The following GOLGA3 variants were observed in gnomAD, a reference collection of about 807,000 sequenced individuals.
GOLGA3 encodes the protein golgin subfamily A member 3.
Under a neutral mutation model 169.4 loss-of-function variants are expected in GOLGA3, and 75 were observed. The ratio of observed to expected loss-of-function variants is 0.44; its 90% CI spans 0.37 to 0.54. The LOEUF (loss-of-function observed/expected upper bound fraction) is 0.54, where lower values mean the gene tolerates loss of function less well. Among genes scored for constraint, GOLGA3 ranks in the 20% least tolerant of loss-of-function variants. The pLI is 0.00. For missense variants in GOLGA3, 1,899 were observed against 1,930.0 expected, an observed-to-expected ratio of 0.98 and a Z score of 0.30; for synonymous variants, 824 against 822.4, an observed-to-expected ratio of 1.00 and a Z score of -0.03.
At chr12:132,794,647 C>CT (rs1948738241) in intron 11 of GOLGA3, among the ~76,000 whole-genome samples, 1 of 152,238 alleles carries the variant, frequency 6.6e-6, no homozygotes, top group African/African-American at 2.4e-5. Flanking sequence ...AAAAGTCTCT[C>CT]TCGCAGTCTT....
chr12:132,809,424 ACCCCCACCCCCGCC>A (rs972816658), intron 4 of GOLGA3, among the ~76,000 whole-genome samples: 1 of 132,154 alleles, frequency 7.6e-6, no homozygotes, highest in Non-Finnish European at 1.6e-5. Context: ...GGAGACACCA[ACCCCCACCCCCGCC>A]CCCCCGCCCC....
chr12:132,778,519 C>G (rs369019662), intron 18 of GOLGA3, among the ~76,000 whole-genome samples: 16 of 142,924 alleles, frequency 1.1e-4, no homozygotes, highest in African/African-American at 3.7e-4. Flanking sequence ...TGCAGTGAGC[C>G]GAGATCGCGC....
rs1346280435 is a variant in GOLGA3, at chr12:132,777,033, C to G, written c.3780G>C (p.Glu1260Asp). 5 of 1,611,190 alleles carry G rather than the reference C, an allele frequency of 3.1e-6. No individual in the cohort carries two copies. The highest frequency in any genetic ancestry group is 4.2e-6 in the Non-Finnish European group (5 of 1,179,060). The change falls in exon 20 of 24, where the codon GAG becomes GAC. Residue 1260 changes from glutamate to aspartate, a missense_variant. Physicochemically the swap from Glu to Asp is conservative, Grantham distance 45 (BLOSUM62 2). Transcript: ENST00000450791. This position sits in a 1 kb window ranked among gnomAD's most constrained non-coding sequence, Gnocchi z 4.7. ...EIAQFQAELAEARAQLQLLQK... is the reference protein window; with the variant it reads ...EIAQFQAELADARAQLQLLQK... ...GCAGGAGCTGGAGCTGTGCCCGGGC[C>G]TCGGCCAGCTCTGCTTGGAACTGTG...
At chr12:132,828,591 G>C (rs1335451811) in intron 1 of GOLGA3, 2 of 152,320 alleles carry the variant, frequency 1.3e-5, no homozygotes, top group East Asian at 3.9e-4. Flanking sequence ...GGCATTTACA[G>C]AGCCAGCTCC....
At chr12:132,792,603 C>T (rs546508809) in intron 11 of GOLGA3, among the ~76,000 whole-genome samples, 50 of 150,754 alleles carry the variant, frequency 3.3e-4, no homozygotes, top group Non-Finnish European at 4.9e-4. Flanking sequence ...CACACAGACC[C>T]ACCCCACGGG....
intron 13 of GOLGA3, among the ~76,000 whole-genome samples, chr12:132,788,065 C>T (rs1050950718): frequency 2.6e-5 from 4 of 151,972 alleles, no homozygotes; most frequent in Non-Finnish European, 5.9e-5. Flanking sequence ...GGGGTCCGAA[C>T]GTGCTCTGCC....
chr12:132,797,683 C>T (rs539248215), intron 9 of GOLGA3, among the ~76,000 whole-genome samples: 1 of 152,082 alleles, frequency 6.6e-6, no homozygotes, highest in African/African-American at 2.4e-5. Flanking sequence ...CTGCACTCCA[C>T]CCTGGGCGAC....
Position 132,777,122 on chromosome 12 carries a change from G to T in GOLGA3, c.3723-32C>A, listed in dbSNP as rs752495321. 2 of 1,556,242 alleles carry T rather than the reference G, an allele frequency of 1.3e-6. No individual in the cohort carries two copies. Among genetic ancestry groups the T allele is most frequent in the East Asian group, 2.2e-5 (1 of 44,526 alleles). The stretch of plus-strand genomic sequence containing the variant: ...TAAAAAAACAAGAAAGAAGGGAATC[G>T]CCACGCTCCTCCAGTGTGCTGTGCC... On this transcript the variant is annotated intron_variant, in intron 19 of 23. Transcript: ENST00000450791. The surrounding 1 kb of genome is among the most constrained non-coding windows in gnomAD (Gnocchi z 4.7).
In GOLGA3 at chr12:132,777,082, T is replaced by C; in HGVS notation, c.3731A>G (p.Glu1244Gly). Residue 1244 changes from glutamate to glycine, a missense_variant, in exon 20 of 24, where the codon GAG becomes GGG. Coordinates refer to ENST00000450791, the MANE Select transcript of GOLGA3 (RefSeq NM_001389683.1). The surrounding 1 kb of genome is among the most constrained non-coding windows in gnomAD (Gnocchi z 4.7). ...QAEADDLQIREGKHSQEIAQF... is the reference protein window; with the variant it reads ...QAEADDLQIRGGKHSQEIAQF... ...TGCTATCTCCTGGGAATGTTTCCCC[T>C]CCCGAATCCTAGCGTAAAAAAACAA... The C allele has an allele frequency of 6.3e-7, 1 of 1,588,358 alleles. No homozygotes were observed. The highest frequency in any genetic ancestry group is 8.6e-7 in the Non-Finnish European group (1 of 1,169,394).
At position 132,788,197 on chromosome 12, in the gene GOLGA3, G is replaced by C. The variant is rs1002992932; in HGVS notation, c.2811+830C>G. 8.1e-4 allele frequency among the ~76,000 whole-genome samples: 123 copies of C among 152,192 alleles called. 2 individuals are homozygous for C. The highest frequency in any genetic ancestry group is 7.6e-4 in the Non-Finnish European group (52 of 67,998). On this transcript the variant is annotated intron_variant, in intron 13 of 23. Coordinates refer to ENST00000450791, the MANE Select transcript of GOLGA3 (RefSeq NM_001389683.1). ...CTCACTTTCCAACAATGATGGTGCC[G>C]GCCACACCGCCTACTCACAGGCCTC...
chr12:132,805,341 C>T (rs1212569673), intron 6 of GOLGA3, among the ~76,000 whole-genome samples: 9 of 49,238 alleles, frequency 1.8e-4, no homozygotes, highest in African/African-American at 7.4e-4. Context: ...CAGGGGACCC[C>T]GAGACCCCCA....
At position 132,780,860 on chromosome 12, in the gene GOLGA3, C is replaced by A; in HGVS notation, c.3520G>T (p.Val1174Phe). The A allele has an allele frequency of 6.2e-7, 1 of 1,612,534 alleles. No individual in the cohort carries two copies. The highest frequency in any genetic ancestry group is 2.2e-5 in the East Asian group (1 of 44,888). The change falls in exon 18 of 24, where the codon GTC becomes TTC. Residue 1174 changes from valine (V) to phenylalanine (F), a missense_variant. Val to Phe is a conservative substitution (Grantham distance 50). Coordinates refer to ENST00000450791, the MANE Select transcript of GOLGA3 (RefSeq NM_001389683.1). ...EEEDRQMKHLVQALQASLEKE... is the reference protein window; with the variant it reads ...EEEDRQMKHLFQALQASLEKE... ...TCTAGTGAGGCCTGCAGGGCCTGGA[C>A]AAGATGCTTCATCTGGCGATCCTCC... is the stretch of plus-strand genomic sequence containing the variant.
chr12:132,823,508 G>A (rs1206068577), intron 1 of GOLGA3, among the ~76,000 whole-genome samples: 3 of 152,218 alleles, frequency 2.0e-5, no homozygotes, highest in East Asian at 3.8e-4. Flanking sequence ...ACATGGGGCC[G>A]GGTGCGGTGG....
chr12:132,816,161 G>A (rs1479512193), intron 3 of GOLGA3, among the ~76,000 whole-genome samples: 1 of 152,244 alleles, frequency 6.6e-6, no homozygotes, highest in Non-Finnish European at 1.5e-5. Context: ...CAGCGCCACT[G>A]CAGTCCGGCC....
intron 2 of GOLGA3, among the ~76,000 whole-genome samples, chr12:132,821,612 G>A (rs1950216369): frequency 2.0e-5 from 3 of 151,770 alleles, no homozygotes; most frequent in African/African-American, 7.3e-5. Flanking sequence ...GCACTTTGAG[G>A]CTGAGGCTGA....
At chr12:132,780,723 T>A in intron 18 of GOLGA3, 75 bp downstream of exon 18, 1 of 912,950 alleles carries the variant, frequency 1.1e-6, no homozygotes, top group Non-Finnish European at 1.8e-6. Flanking sequence ...GGCTGGTGTG[T>A]GAAGGACCCT....
At chr12:132,797,957 C>G (rs1948936476) in intron 9 of GOLGA3, among the ~76,000 whole-genome samples, 1 of 152,228 alleles carries the variant, frequency 6.6e-6, no homozygotes, top group Admixed American at 6.5e-5. Context: ...ACGCACTGGC[C>G]CCTTCCTCCG....
chr12:132,786,287 C>T, intron 15 of GOLGA3, 52 bp downstream of exon 15: 1 of 1,269,830 alleles, frequency 7.9e-7, no homozygotes, highest in Non-Finnish European at 1.1e-6. Flanking sequence ...AGAGCCCTTC[C>T]CTGCACTGAG....
intron 8 of GOLGA3, among the ~76,000 whole-genome samples, chr12:132,800,936 G>A (rs1949101730): frequency 6.6e-6 from 1 of 152,200 alleles, no homozygotes; most frequent in Admixed American, 6.5e-5. Context: ...TCCAGCCTGG[G>A]TGACGGAGTG....
Sources: allele counts gnomAD v4.1 joint callset (sites outside exome capture counted in the v4.1 genomes callset), GRCh38; gene constraint gnomAD v4.1.1; non-coding constraint Gnocchi (gnomAD v3.1); transcripts MANE v1.5; gene names NCBI Gene and HGNC (gene_info 2026-07-23, HGNC 2026-07-21).